The following R3HDM1 variants were observed in gnomAD, a reference collection of about 807,000 sequenced individuals.
The protein encoded by R3HDM1 is R3H domain-containing protein 1.
R3HDM1 carries 46 observed loss-of-function variants against 141.1 expected under a neutral mutation model. The ratio of observed to expected loss-of-function variants is 0.33; its 90% CI spans 0.26 to 0.42. The LOEUF is 0.42. R3HDM1 is among the 10% of genes least tolerant of loss of function. R3HDM1 has a pLI of 1.00. For missense variants in R3HDM1, 1,184 were observed against 1,368.3 expected (o/e 0.87, Z 2.12); for synonymous variants, 435 against 472.9 (o/e 0.92, Z 1.04).
rs79293856 is a variant in R3HDM1, at chr2:135,688,305, A to T, written c.2459+7981A>T. Among the ~76,000 whole-genome samples the T allele has an allele frequency of 3.9e-3, 589 of 152,330 alleles. 2 individuals are homozygous for T. Among genetic ancestry groups the T allele is most frequent in the African/African-American group, 0.014 (569 of 41,572 alleles). On this transcript the variant is annotated intron_variant, in intron 21 of 26. Transcript: ENST00000683871. ...CCATCAGTTCAGTGTTAACGAATCA[A>T]CAATACAGTACATCCAGAAAAAGAG...
At chr2:135,690,361 G>C (rs766796973) in intron 21 of R3HDM1, among the ~76,000 whole-genome samples, 1 of 152,150 alleles carries the variant, frequency 6.6e-6, no homozygotes, top group Non-Finnish European at 1.5e-5. Flanking sequence ...TAACAGCTTA[G>C]AGAAATAAAA....
intron 21 of R3HDM1, among the ~76,000 whole-genome samples, chr2:135,690,397 C>G (rs191730701): frequency 1.6e-4 from 25 of 152,132 alleles, no homozygotes; most frequent in African/African-American, 6.0e-4. Context: ...TTTGATTTTG[C>G]AAGATAAGTT....
At chr2:135,614,796 A>G (rs149361267) in intron 3 of R3HDM1, among the ~76,000 whole-genome samples, 27 of 151,192 alleles carry the variant, frequency 1.8e-4, no homozygotes, top group African/African-American at 6.3e-4. Flanking sequence ...CATAGTATTC[A>G]CCTGTTGCTT....
intron 21 of R3HDM1, among the ~76,000 whole-genome samples, chr2:135,684,984 G>A (rs1043430400): frequency 3.3e-5 from 5 of 151,934 alleles, no homozygotes; most frequent in East Asian, 1.9e-4. Context: ...AGCTGGTCTC[G>A]AACTCCAAGG....
intron 19 of R3HDM1, among the ~76,000 whole-genome samples, chr2:135,671,305 G>GA (rs2068294629): frequency 6.6e-6 from 1 of 151,880 alleles, no homozygotes; most frequent in Non-Finnish European, 1.5e-5. Context: ...TCATTTTAAT[G>GA]AAAAGGTGAT....
At chr2:135,596,807 T>G (rs2059234263) in intron 1 of R3HDM1, among the ~76,000 whole-genome samples, 1 of 152,212 alleles carries the variant, frequency 6.6e-6, no homozygotes, top group Non-Finnish European at 1.5e-5. Flanking sequence ...TTCCTATTAA[T>G]ACAACATTTG....
chr2:135,711,852 A>G (rs2105443296), intron 23 of R3HDM1, among the ~76,000 whole-genome samples: 1 of 151,632 alleles, frequency 6.6e-6, no homozygotes, highest in Non-Finnish European at 1.5e-5. Flanking sequence ...TCAGCTACTC[A>G]GGAAGCTGAG....
At chr2:135,579,418 AAG>A (rs969175874) in intron 1 of R3HDM1, among the ~76,000 whole-genome samples, 74 of 152,302 alleles carry the variant, frequency 4.9e-4, no homozygotes, top group African/African-American at 1.6e-3. Context: ...CATAGATGAA[AAG>A]AGAGAAATAA....
At chr2:135,642,826 G>A (rs934848146) in intron 15 of R3HDM1, among the ~76,000 whole-genome samples, 5 of 152,102 alleles carry the variant, frequency 3.3e-5, no homozygotes, top group Non-Finnish European at 7.4e-5. Context: ...GACGAAGTAT[G>A]CAAACATTTG....
intron 9 of R3HDM1, among the ~76,000 whole-genome samples, chr2:135,633,546 TA>T (rs2062936363): frequency 6.6e-6 from 1 of 152,206 alleles, no homozygotes; most frequent in South Asian, 2.1e-4. Flanking sequence ...GGGTCAATAA[TA>T]TAATTATAAT....
At chr2:135,586,807 T>C (rs1246801663) in intron 1 of R3HDM1, 1 of 985,380 alleles carries the variant, frequency 1.0e-6, no homozygotes, top group Non-Finnish European at 1.2e-6. Context: ...TGTGTGCTAA[T>C]TGGTATTTGT....
chr2:135,616,637 T>C, intron 4 of R3HDM1, 31 bp from the exon 5 acceptor site: 1 of 1,519,372 alleles, frequency 6.6e-7, no homozygotes, highest in Non-Finnish European at 9.0e-7. Context: ...ATTTCTGAAA[T>C]GTAGTGTTAA....
chr2:135,564,365 G>A (rs1702343238), intron 1 of R3HDM1, among the ~76,000 whole-genome samples: 1 of 152,174 alleles, frequency 6.6e-6, no homozygotes, highest in African/African-American at 2.4e-5. Context: ...TGTTGCCCAG[G>A]CGGGAGTGCA....
chr2:135,710,012 A>G, intron 22 of R3HDM1, 47 bp from the exon 23 acceptor site: 5 of 1,546,056 alleles, frequency 3.2e-6, no homozygotes, highest in Non-Finnish European at 2.6e-6. Flanking sequence ...AACACCAACT[A>G]GTTGCTAAAA....
At position 135,704,539 on chromosome 2, in the gene R3HDM1, C is replaced by T. The variant is rs186120436; in HGVS notation, c.2460-4894C>T. 1.2e-4 allele frequency among the ~76,000 whole-genome samples: 18 copies of T among 150,846 alleles called. No individual in the cohort carries two copies. In the East Asian group the frequency reaches 3.5e-3, roughly 29 times the overall value. On this transcript the variant is annotated intron_variant, in intron 21 of 26. Transcript: ENST00000683871. ...AGGCCAGACTGCAGTGGTGCCATCT[C>T]GGCTCACTGCAACCTCTGCCTCCCG...
intron 1 of R3HDM1, among the ~76,000 whole-genome samples, chr2:135,556,027 TGGG>T (rs958111221): frequency 6.6e-6 from 1 of 150,570 alleles, no homozygotes; most frequent in African/African-American, 2.4e-5. Context: ...AGTGGGGGGA[TGGG>T]GGGAGGGAAG....
chr2:135,627,656 A>G (rs184527023), intron 7 of R3HDM1, among the ~76,000 whole-genome samples: 243 of 152,214 alleles, frequency 1.6e-3, no homozygotes, highest in African/African-American at 4.6e-3. Context: ...AAACAATACC[A>G]TGGATTAACC....
Position 135,569,800 on chromosome 2 carries a change from C to G in R3HDM1, c.-249-32700C>G, listed in dbSNP as rs145715579. On this transcript the variant is annotated intron_variant, in intron 1 of 26. Coordinates refer to ENST00000683871, the MANE Select transcript of R3HDM1 (RefSeq NM_001378107.1). Reference sequence around the variant, plus strand: ...GGAGTTCAGTGGCACAGTCTCGGCTCACTGCAAGCTCCGCCTCCTGGGTTC... The same window carrying G: ...GGAGTTCAGTGGCACAGTCTCGGCTGACTGCAAGCTCCGCCTCCTGGGTTC... Among the ~76,000 whole-genome samples, 1,400 of 149,454 alleles carry G rather than the reference C, an allele frequency of 9.4e-3. 23 individuals carry two copies. Among genetic ancestry groups the G allele is most frequent in the African/African-American group, 0.034 (1,338 of 39,620 alleles).
chr2:135,599,037 C>A (rs768576028), intron 1 of R3HDM1, among the ~76,000 whole-genome samples: 1 of 152,014 alleles, frequency 6.6e-6, no homozygotes, highest in Non-Finnish European at 1.5e-5. Context: ...AAGGACTTTC[C>A]CACCCAAAAA....
Sources: allele counts gnomAD v4.1 joint callset (sites outside exome capture counted in the v4.1 genomes callset), GRCh38; gene constraint gnomAD v4.1.1; transcripts MANE v1.5; gene names NCBI Gene and HGNC (gene_info 2026-07-23, HGNC 2026-07-21).